The following DAZAP1 variants were observed in gnomAD, a reference collection of about 807,000 sequenced individuals.
DAZAP1 encodes DAZ-associated protein 1.
Under a neutral mutation model 60.1 loss-of-function variants are expected in DAZAP1, and 6 were observed. The ratio of observed to expected loss-of-function variants is 0.10; its 90% confidence interval spans 0.05 to 0.20. The LOEUF (loss-of-function observed/expected upper bound fraction) is 0.20. Among genes scored for constraint, DAZAP1 ranks in the 10% least tolerant of loss-of-function variants. DAZAP1 has a pLI of 1.00. For missense variants in DAZAP1, 366 were observed against 560.4 expected, an observed-to-expected ratio of 0.65 and a Z score of 3.50; for synonymous variants, 235 against 215.9, an observed-to-expected ratio of 1.09 and a Z score of -0.78.
chr19:1,412,838 G>C (rs1334260725), intron 1 of DAZAP1, among the ~76,000 whole-genome samples: 1 of 152,236 alleles, frequency 6.6e-6, no homozygotes, highest in African/African-American at 2.4e-5. Context: ...CAGGCTTGCA[G>C]ATCCTGGGAG....
intron 6 of DAZAP1, among the ~76,000 whole-genome samples, chr19:1,424,329 T>C: frequency 6.4e-5 from 7 of 108,734 alleles, no homozygotes; most frequent in South Asian, 4.2e-4. Context: ...CTCCTCCTCT[T>C]CCCCCTCCCC....
Position 1,422,982 on chromosome 19 carries a change from G to A in DAZAP1, c.463+586G>A, listed in dbSNP as rs944633327. 2.6e-5 allele frequency among the ~76,000 whole-genome samples: 4 copies of A among 152,236 alleles called. No individual in the cohort carries two copies. The highest frequency in any genetic ancestry group is 6.8e-3 in the Middle Eastern group (2 of 294). On this transcript the variant is annotated intron_variant, in intron 6 of 11. Transcript: ENST00000233078. This position sits in a 1 kb window ranked among gnomAD's most constrained non-coding sequence, Gnocchi z 4.5. Reference sequence around the variant, plus strand: ...GCACACCCATCCATGCTGGTTTGTGGAGCTGGGACGATGGGCGCCCAGTTT... The same window carrying A: ...GCACACCCATCCATGCTGGTTTGTGAAGCTGGGACGATGGGCGCCCAGTTT...
chr19:1,434,944 A>T lies in DAZAP1; in HGVS notation c.*32A>T. 2.6e-6 allele frequency: 3 copies of T among 1,164,650 alleles called. No homozygotes were observed. Among genetic ancestry groups the T allele is most frequent in the Non-Finnish European group, 3.2e-6 (3 of 933,296 alleles). The allele number at this position is 1,164,650 out of a possible 1,614,324, so 72.1% of individuals were successfully genotyped here. A position where few individuals can be genotyped will look rare whatever the true frequency, so the allele number is the denominator to read the frequency against. On this transcript the variant is annotated 3_prime_UTR_variant, in exon 12 of 12. Transcript: ENST00000233078. This position sits in a 1 kb window ranked among gnomAD's most constrained non-coding sequence, Gnocchi z 8.0. ...GCGCCGCGACGTCTGCACGGCCCAG[A>T]CCCAGGATTCCAAACTTGTGAACTC...
At position 1,423,799 on chromosome 19, in the gene DAZAP1, C is replaced by G. The variant is rs549388704; in HGVS notation, c.463+1403C>G. On this transcript the variant is annotated intron_variant, in intron 6 of 11. Transcript: ENST00000233078. This position sits in a 1 kb window ranked among gnomAD's most constrained non-coding sequence, Gnocchi z 6.8. ...GCTTCTAGATCCTCCCGGTCCCCCT[C>G]CGGCTGCCCAGAGCTGGCGCCCCTT... Among the ~76,000 whole-genome samples, 13 of 152,360 alleles carry G rather than the reference C, an allele frequency of 8.5e-5. No homozygotes were observed. In the East Asian group the frequency reaches 2.5e-3, roughly 29 times the overall value.
chr19:1,434,328 A>G lies in DAZAP1; in HGVS notation c.1049-409A>G. 1 of 207,878 alleles carries G rather than the reference A, an allele frequency of 4.8e-6. No individual in the cohort carries two copies. Among genetic ancestry groups the G allele is most frequent in the Non-Finnish European group, 9.8e-6 (1 of 101,872 alleles). The allele number at this position is 207,878 out of a possible 1,614,324, so 12.9% of individuals were successfully genotyped here. A position where few individuals can be genotyped will look rare whatever the true frequency, so the allele number is the denominator to read the frequency against. On this transcript the variant is annotated intron_variant, in intron 11 of 11. Transcript: ENST00000233078. This position sits in a 1 kb window ranked among gnomAD's most constrained non-coding sequence, Gnocchi z 8.0. ...GAGGGGCAGGCCCTGTATCGCTGCAAGGGCCCGTCAGGGGTTTTCTGAAAC... is the reference window on the plus strand; with the variant it reads ...GAGGGGCAGGCCCTGTATCGCTGCAGGGGCCCGTCAGGGGTTTTCTGAAAC...
intron 1 of DAZAP1, among the ~76,000 whole-genome samples, chr19:1,411,858 G>A (rs1455439248): frequency 6.6e-6 from 1 of 152,230 alleles, no homozygotes; most frequent in Non-Finnish European, 1.5e-5. Flanking sequence ...GGTGCGACCC[G>A]TCAATCTGAG....
rs1187590714 is a variant in DAZAP1, at chr19:1,423,848, G to A, written c.463+1452G>A. On this transcript the variant is annotated intron_variant, in intron 6 of 11. Transcript: ENST00000233078. This position sits in a 1 kb window ranked among gnomAD's most constrained non-coding sequence, Gnocchi z 6.8. The stretch of plus-strand genomic sequence containing the variant: ...TTCTCCTCGCGTCCTGTCCTGTCCC[G>A]TGTGGACGGGACGTGGCGAGTGTCG... Among the ~76,000 whole-genome samples the A allele has an allele frequency of 2.6e-5, 4 of 152,338 alleles. No homozygotes were observed. The highest frequency in any genetic ancestry group is 3.4e-3 in the Middle Eastern group (1 of 294).
chr19:1,419,352 G>C (rs2083078846), intron 4 of DAZAP1, among the ~76,000 whole-genome samples: 1 of 152,250 alleles, frequency 6.6e-6, no homozygotes, highest in South Asian at 2.1e-4. Flanking sequence ...GGACAGTGCA[G>C]ACCTGGAGGC....
In DAZAP1 at chr19:1,434,105, A is replaced by C. The variant is rs761902841; in HGVS notation, c.1049-632A>C. On this transcript the variant is annotated intron_variant, in intron 11 of 11. Coordinates refer to ENST00000233078, the MANE Select transcript of DAZAP1 (RefSeq NM_018959.4). This position sits in a 1 kb window ranked among gnomAD's most constrained non-coding sequence, Gnocchi z 8.0. ...CAGCGGGGTGGGGAGCGGCGTGAGC[A>C]GCTCTGTCCTTGTAAAGACACCGCT... The C allele has an allele frequency of 3.1e-5, 15 of 480,474 alleles. No individual in the cohort carries two copies. Among genetic ancestry groups the C allele is most frequent in the Non-Finnish European group, 4.9e-5 (13 of 264,676 alleles). 29.8% of individuals were successfully genotyped at this position (480,474 alleles called of 1,614,324 possible). A position where few individuals can be genotyped will look rare whatever the true frequency, so the allele number is the denominator to read the frequency against.
In DAZAP1 at chr19:1,428,652, CAAA is replaced by C. The variant is rs770554132; in HGVS notation, c.547-185_547-183del. 12 of 726,394 alleles carry C rather than the reference CAAA, an allele frequency of 1.7e-5. No homozygotes were observed. Among genetic ancestry groups the C allele is most frequent in the Non-Finnish European group, 2.4e-5 (11 of 459,580 alleles). The allele number at this position is 726,394 out of a possible 1,614,324, so 45.0% of individuals were successfully genotyped here. A position where few individuals can be genotyped will look rare whatever the true frequency, so the allele number is the denominator to read the frequency against. On this transcript the variant is annotated intron_variant, in intron 7 of 11. Coordinates refer to ENST00000233078, the MANE Select transcript of DAZAP1 (RefSeq NM_018959.4). The surrounding 1 kb of genome is among the most constrained non-coding windows in gnomAD (Gnocchi z 4.0). Reference sequence around the variant, plus strand: ...TTGTACCTGAGAAACATTTTTTAAACAAAAAAATTCAACACAAAAGAATTTTTT... The same window carrying C: ...TTGTACCTGAGAAACATTTTTTAAACAAAATTCAACACAAAAGAATTTTTT...
rs949163888 is a variant in DAZAP1, at chr19:1,422,216, C to T, written c.415-132C>T. On this transcript the variant is annotated intron_variant, in intron 5 of 11. Coordinates refer to ENST00000233078, the MANE Select transcript of DAZAP1 (RefSeq NM_018959.4). This position sits in a 1 kb window ranked among gnomAD's most constrained non-coding sequence, Gnocchi z 4.5. ...GCAGCCCCACGGAGCAGCTGTTGCC[C>T]GTGCACCTCCCCCGCTCAGGGAGGG... The T allele has an allele frequency of 6.5e-5, 49 of 757,238 alleles. No homozygotes were observed. Among genetic ancestry groups the T allele is most frequent in the Middle Eastern group, 3.9e-4 (1 of 2,586 alleles). The allele number at this position is 757,238 out of a possible 1,614,324, so 46.9% of individuals were successfully genotyped here. A position where few individuals can be genotyped will look rare whatever the true frequency, so the allele number is the denominator to read the frequency against.
rs2083364370 is a variant in DAZAP1 at position 1,428,667 on chromosome 19, CAA to C, written c.547-172_547-171del. The C allele has an allele frequency of 1.2e-6, 1 of 822,708 alleles. No individual in the cohort carries two copies. Among genetic ancestry groups the C allele is most frequent in the African/African-American group, 1.8e-5 (1 of 55,896 alleles). The allele number at this position is 822,708 out of a possible 1,614,324, so 51.0% of individuals were successfully genotyped here. A position where few individuals can be genotyped will look rare whatever the true frequency, so the allele number is the denominator to read the frequency against. On this transcript the variant is annotated intron_variant, in intron 7 of 11. Coordinates refer to ENST00000233078, the MANE Select transcript of DAZAP1 (RefSeq NM_018959.4). The surrounding 1 kb of genome is among the most constrained non-coding windows in gnomAD (Gnocchi z 4.0). ...ATTTTTTAAACAAAAAAATTCAACACAAAAGAATTTTTTAAGAAAAAAATGCT... is the reference window on the plus strand; with the variant it reads ...ATTTTTTAAACAAAAAAATTCAACACAAGAATTTTTTAAGAAAAAAATGCT...
At position 1,431,386 on chromosome 19, in the gene DAZAP1, C is replaced by T. The variant is rs8104858; in HGVS notation, c.871+1024C>T. 1.9e-3 allele frequency among the ~76,000 whole-genome samples: 284 copies of T among 152,044 alleles called. 1 individual carries two copies. The highest frequency in any genetic ancestry group is 6.4e-3 in the African/African-American group (264 of 41,454). On this transcript the variant is annotated intron_variant, in intron 10 of 11. Coordinates refer to ENST00000233078, the MANE Select transcript of DAZAP1 (RefSeq NM_018959.4). ...CCTCGTGATTCGCCCGCCTCGGCCTCCCAAAGCGCTGGGATTAGAAGCGTG... is the reference window on the plus strand; with the variant it reads ...CCTCGTGATTCGCCCGCCTCGGCCTTCCAAAGCGCTGGGATTAGAAGCGTG...
intron 1 of DAZAP1, chr19:1,409,954 G>A (rs937526899): frequency 6.6e-6 from 1 of 152,354 alleles, no homozygotes. Context: ...ACCCCGCTTG[G>A]AGGGCTGGGC....
Position 1,433,875 on chromosome 19 carries a change from G to T in DAZAP1, c.1049-862G>T. Reference sequence around the variant, plus strand: ...GGGTCCTCCCACCCGCCTGCACCGGGAGGTGGACGTGGCTTCCTCTGCCGT... The same window carrying T: ...GGGTCCTCCCACCCGCCTGCACCGGTAGGTGGACGTGGCTTCCTCTGCCGT... On this transcript the variant is annotated intron_variant, in intron 11 of 11. Transcript: ENST00000233078. This position sits in a 1 kb window ranked among gnomAD's most constrained non-coding sequence, Gnocchi z 6.1. The T allele has an allele frequency of 6.4e-7, 1 of 1,559,416 alleles. No homozygotes were observed.
At position 1,418,810 on chromosome 19, in the gene DAZAP1, T is replaced by C. The variant is rs193141396; in HGVS notation, c.303+79T>C. ...GGAAATGCGTGCCTTCAATCTGCTG[T>C]TGTCGCTCGTTAAGATTGAGGGCGA... On this transcript the variant is annotated intron_variant, in intron 4 of 11. Coordinates refer to ENST00000233078, the MANE Select transcript of DAZAP1 (RefSeq NM_018959.4). This position sits in a 1 kb window ranked among gnomAD's most constrained non-coding sequence, Gnocchi z 5.7. The C allele has an allele frequency of 1.4e-6, 2 of 1,428,238 alleles. No individual in the cohort carries two copies. Among genetic ancestry groups the C allele is most frequent in the East Asian group, 2.3e-5 (1 of 43,042 alleles). 88.5% of individuals were successfully genotyped at this position (1,428,238 alleles called of 1,614,324 possible).
At position 1,432,560 on chromosome 19, in the gene DAZAP1, T is replaced by C. The variant is rs757434023; in HGVS notation, c.918T>C (p.Pro306=). 1 of 1,613,550 alleles carries C rather than the reference T, an allele frequency of 6.2e-7. No homozygotes were observed. Among genetic ancestry groups the C allele is most frequent in the African/African-American group, 1.3e-5 (1 of 75,006 alleles). The change falls in exon 11 of 12, where the codon CCT becomes CCC. Residue 306 remains proline (P), a synonymous_variant. Transcript: ENST00000233078. The surrounding 1 kb of genome is among the most constrained non-coding windows in gnomAD (Gnocchi z 4.9). ...CTCCACCGCCAGATCAGTTTGCCCC[T>C]CCGGGGGTTCCTCCTCCACCAGCCA... ...PPPPPPDQFA[P]PGVPPPPATP... is the part of the protein sequence containing the mutation.
chr19:1,411,682 A>T (rs901977837), intron 1 of DAZAP1, among the ~76,000 whole-genome samples: 5 of 152,164 alleles, frequency 3.3e-5, no homozygotes, highest in African/African-American at 1.2e-4. Context: ...CTGTGCTTGT[A>T]GCCTTGGCTC....
At chr19:1,415,281 G>A (rs999279767) in intron 1 of DAZAP1, among the ~76,000 whole-genome samples, 1 of 151,324 alleles carries the variant, frequency 6.6e-6, no homozygotes, top group African/African-American at 2.4e-5. Context: ...CTGGCTGTTG[G>A]GTGGGTGCAG....
Sources: gnomAD v4.1 joint callset for allele counts (sites outside exome capture counted in the v4.1 genomes callset) on GRCh38, gnomAD v4.1.1 for gene constraint, Gnocchi (gnomAD v3.1) non-coding constraint, MANE v1.5 for transcripts, NCBI Gene and HGNC (gene_info 2026-07-23, HGNC 2026-07-21) for gene names.